Variants in SCHIP1 observed in about 807,000 individuals in gnomAD.
SCHIP1 encodes the protein schwannomin-interacting protein 1.
Under a neutral mutation model 29.7 loss-of-function variants are expected in SCHIP1, and 8 were observed. The observed-to-expected ratio is 0.27, with a 90% CI of 0.16 to 0.49. The LOEUF (loss-of-function observed/expected upper bound fraction) is 0.49. Ranked by LOEUF, SCHIP1 falls within the 20% of genes least tolerant of loss-of-function variation. The pLI, the probability that SCHIP1 is intolerant of heterozygous loss-of-function variation, is 0.99. For missense variants in SCHIP1, 193 were observed against 294.6 expected, an observed-to-expected ratio of 0.66 and a Z score of 2.52; for synonymous variants, 76 against 94.9, an observed-to-expected ratio of 0.80 and a Z score of 1.16.
the SCHIP1 span, among the ~76,000 whole-genome samples, chr3:159,770,884 G>T: frequency 2.0e-5 from 3 of 152,154 alleles, no homozygotes; most frequent in Admixed American, 6.5e-5. Flanking sequence ...AAAAAGGAAA[G>T]GAATCATTTT....
At chr3:159,828,374 T>TATATACACAC in the SCHIP1 span, among the ~76,000 whole-genome samples, 7 of 94,732 alleles carry the variant, frequency 7.4e-5, no homozygotes, top group African/African-American at 2.7e-4. Context: ...TATATATATA[T>TATATACACAC]ACATATATAT....
At chr3:159,874,246 A>G (rs1243682744) in intron 2 of SCHIP1, among the ~76,000 whole-genome samples, 4 of 152,340 alleles carry the variant, frequency 2.6e-5, no homozygotes, top group East Asian at 1.9e-4. Context: ...AAAGTGTGCA[A>G]TGGGATGATG....
chr3:159,475,851 A>T, the SCHIP1 span, among the ~76,000 whole-genome samples: 2 of 152,174 alleles, frequency 1.3e-5, no homozygotes, highest in Admixed American at 6.6e-5. Context: ...AACAGGAATT[A>T]AGGCAAAAGT....
chr3:159,680,580 TATATATAATATATGTATAATATATA>T, the SCHIP1 span, among the ~76,000 whole-genome samples: 1 of 108,584 alleles, frequency 9.2e-6, no homozygotes, highest in African/African-American at 3.9e-5. Flanking sequence ...ATAATATATC[TATATATAATATATGTATAATATATA>T]TTATATATGT....
the SCHIP1 span, among the ~76,000 whole-genome samples, chr3:159,602,460 C>T: frequency 1.2e-4 from 19 of 152,252 alleles, no homozygotes; most frequent in African/African-American, 4.3e-4. Flanking sequence ...CTTGTAATCC[C>T]AGCACTTTGG....
At chr3:159,508,729 A>G in the SCHIP1 span, among the ~76,000 whole-genome samples, 3 of 152,186 alleles carry the variant, frequency 2.0e-5, no homozygotes, top group African/African-American at 4.8e-5. Context: ...TTATGTACCC[A>G]GTAGTCATTC....
the SCHIP1 span, among the ~76,000 whole-genome samples, chr3:159,341,898 A>G: frequency 6.6e-6 from 1 of 152,162 alleles, no homozygotes; most frequent in East Asian, 1.9e-4. Flanking sequence ...ATTTTAAAAT[A>G]TTTATATAAA....
chr3:159,674,115 T>C, the SCHIP1 span, among the ~76,000 whole-genome samples: 6 of 152,230 alleles, frequency 3.9e-5, no homozygotes, highest in African/African-American at 9.6e-5. Context: ...CTGCAAAACC[T>C]GCACCAGGTA....
chr3:159,335,914 G>A, the SCHIP1 span, among the ~76,000 whole-genome samples: 57 of 152,262 alleles, frequency 3.7e-4, no homozygotes, highest in East Asian at 7.9e-3. Flanking sequence ...CTGAGGAATC[G>A]CCACACTGAC....
At chr3:159,601,301 A>G in the SCHIP1 span, among the ~76,000 whole-genome samples, 1,916 of 152,112 alleles carry the variant, frequency 0.013, 29 homozygotes, top group African/African-American at 0.043. Flanking sequence ...TGTGGTATGG[A>G]ATCACCCCCA....
the SCHIP1 span, among the ~76,000 whole-genome samples, chr3:159,683,125 G>A: frequency 1.1e-4 from 16 of 152,074 alleles, no homozygotes; most frequent in African/African-American, 3.4e-4. Flanking sequence ...CCAGGCTGGA[G>A]TGCAACCTCC....
At chr3:159,274,550 A>C in the SCHIP1 span, 1 of 788,486 alleles carries the variant, frequency 1.3e-6, no homozygotes, top group Non-Finnish European at 1.5e-6. Flanking sequence ...TCTTCAAACC[A>C]GAAATAAAAA....
At chr3:159,593,629 G>A in the SCHIP1 span, among the ~76,000 whole-genome samples, 11 of 152,122 alleles carry the variant, frequency 7.2e-5, no homozygotes, top group Non-Finnish European at 2.9e-5. Context: ...CCAATGTAAA[G>A]CAAAGATAAA....
the SCHIP1 span, among the ~76,000 whole-genome samples, chr3:159,326,367 C>T: frequency 6.6e-6 from 1 of 152,096 alleles, no homozygotes. Flanking sequence ...AATAAGTATT[C>T]CAAAAGTACA....
chr3:159,423,560 C>A, the SCHIP1 span, among the ~76,000 whole-genome samples: 1 of 152,226 alleles, frequency 6.6e-6, no homozygotes, highest in Non-Finnish European at 1.5e-5. Context: ...CTGGGAAGCT[C>A]AAACTGGGTG....
the SCHIP1 span, among the ~76,000 whole-genome samples, chr3:159,573,973 G>A: frequency 6.6e-6 from 1 of 152,110 alleles, no homozygotes; most frequent in Non-Finnish European, 1.5e-5. Context: ...GTCATTTAAG[G>A]TCTTCTCTAC....
At chr3:159,696,720 CG>C in the SCHIP1 span, among the ~76,000 whole-genome samples, 1 of 152,040 alleles carries the variant, frequency 6.6e-6, no homozygotes, top group African/African-American at 2.4e-5. Context: ...CTGTGGGTGT[CG>C]GGGTTCTTAA....
At chr3:159,754,444 A>G in the SCHIP1 span, among the ~76,000 whole-genome samples, 1 of 152,210 alleles carries the variant, frequency 6.6e-6, no homozygotes, top group Non-Finnish European at 1.5e-5. Flanking sequence ...TGATTTTAAA[A>G]TTCATGACAT....
the SCHIP1 span, among the ~76,000 whole-genome samples, chr3:159,481,690 G>C: frequency 6.6e-6 from 1 of 152,126 alleles, no homozygotes; most frequent in African/African-American, 2.4e-5. Flanking sequence ...CTGTACAGTA[G>C]GGCAAGCTGG....
Sources: allele counts gnomAD v4.1 joint callset (sites outside exome capture counted in the v4.1 genomes callset), GRCh38; gene constraint gnomAD v4.1.1; transcripts MANE v1.5; gene names NCBI Gene and HGNC (gene_info 2026-07-23, HGNC 2026-07-21).